The following PRLR variants were observed in gnomAD, a reference collection of about 807,000 sequenced individuals.
The protein encoded by PRLR is prolactin receptor.
PRLR carries 13 observed loss-of-function variants against 40.2 expected under a neutral mutation model. That is an observed-to-expected ratio of 0.32 (90% CI 0.21 to 0.51). PRLR has a LOEUF of 0.51. Among genes scored for constraint, PRLR ranks in the 20% least tolerant of loss-of-function variants. PRLR has a pLI of 0.97. For missense variants in PRLR, 656 were observed against 747.3 expected, an observed-to-expected ratio of 0.88 and a Z score of 1.42; for synonymous variants, 269 against 278.7, an observed-to-expected ratio of 0.97 and a Z score of 0.35.
chr5:35,079,969 A>G lies in PRLR; in HGVS notation c.373+4501T>C, dbSNP rs1770391305. Among the ~76,000 whole-genome samples, 5 of 152,244 alleles carry G rather than the reference A, an allele frequency of 3.3e-5. 1 individual carries two copies. In the South Asian group the frequency reaches 1.0e-3, roughly 32 times the overall value. ...TCCCTATTTAATAAATGGTGCTGGGAAAACTGGCTAGCCATATGTAGAAAG... is the reference window on the plus strand; with the variant it reads ...TCCCTATTTAATAAATGGTGCTGGGGAAACTGGCTAGCCATATGTAGAAAG... On this transcript the variant is annotated intron_variant, in intron 5 of 9. Transcript: ENST00000618457.
intron 1 of PRLR, among the ~76,000 whole-genome samples, chr5:35,145,251 G>A (rs1050038587): frequency 2.6e-5 from 4 of 152,028 alleles, no homozygotes; most frequent in Non-Finnish European, 5.9e-5. Flanking sequence ...TGGAGCATCC[G>A]GTTGTCCTGT....
chr5:35,172,268 C>A (rs1775020346), intron 1 of PRLR, among the ~76,000 whole-genome samples: 1 of 152,198 alleles, frequency 6.6e-6, no homozygotes, highest in Admixed American at 6.5e-5. Flanking sequence ...CTGTCTTCAC[C>A]CTTCCTGACC....
At chr5:35,124,714 A>G (rs1010881014) in intron 1 of PRLR, among the ~76,000 whole-genome samples, 4 of 152,062 alleles carry the variant, frequency 2.6e-5, no homozygotes, top group African/African-American at 2.4e-5. Context: ...ACAAATAACC[A>G]TGATGGCAGA....
At chr5:35,117,494 C>T (rs563745152) in intron 2 of PRLR, among the ~76,000 whole-genome samples, 27 of 152,212 alleles carry the variant, frequency 1.8e-4, no homozygotes, top group African/African-American at 5.8e-4. Context: ...AAAATGGAGT[C>T]GTAATACTTC....
intron 1 of PRLR, among the ~76,000 whole-genome samples, chr5:35,189,149 C>A (rs1372792298): frequency 6.6e-6 from 1 of 152,148 alleles, no homozygotes; most frequent in Non-Finnish European, 1.5e-5. Context: ...CTTCTGCAAG[C>A]CAAGTAACAC....
At chr5:35,218,575 T>G (rs761876812) in intron 1 of PRLR, among the ~76,000 whole-genome samples, 1 of 151,820 alleles carries the variant, frequency 6.6e-6, no homozygotes, top group Admixed American at 6.5e-5. Flanking sequence ...AAGGAAGGTC[T>G]GTTACTTTCA....
chr5:35,151,439 A>T, intron 1 of PRLR, among the ~76,000 whole-genome samples: 1 of 152,218 alleles, frequency 6.6e-6, no homozygotes, highest in Non-Finnish European at 1.5e-5. Context: ...TATATTTCAT[A>T]GATGAGCAAG....
intron 3 of PRLR, among the ~76,000 whole-genome samples, chr5:35,088,166 C>G (rs968406009): frequency 1.3e-5 from 2 of 152,166 alleles, no homozygotes; most frequent in South Asian, 2.1e-4. Flanking sequence ...GCCCAGGACA[C>G]CAGGCTAGTA....
intron 1 of PRLR, among the ~76,000 whole-genome samples, chr5:35,218,895 G>A (rs1776349714): frequency 6.6e-6 from 1 of 152,022 alleles, no homozygotes; most frequent in Non-Finnish European, 1.5e-5. Flanking sequence ...TCTTTGATAA[G>A]TGGCAGGTGG....
At chr5:35,169,576 CA>C (rs1774939130) in intron 1 of PRLR, among the ~76,000 whole-genome samples, 1 of 152,156 alleles carries the variant, frequency 6.6e-6, no homozygotes, top group South Asian at 2.1e-4. Flanking sequence ...ATGACTTCAA[CA>C]GTTTGTGTTG....
intron 2 of PRLR, among the ~76,000 whole-genome samples, chr5:35,101,736 A>G (rs1321931953): frequency 2.0e-5 from 3 of 148,606 alleles, no homozygotes; most frequent in African/African-American, 4.9e-5. Context: ...CATATATAAA[A>G]CATATATATA....
At chr5:35,097,633 G>A (rs73072995) in intron 2 of PRLR, among the ~76,000 whole-genome samples, 2,195 of 151,866 alleles carry the variant, frequency 0.014, 65 homozygotes, top group African/African-American at 0.051. Flanking sequence ...CCTTGGGGTC[G>A]TAGATTCTGA....
At chr5:35,070,838 T>A (rs1421388464) in intron 6 of PRLR, among the ~76,000 whole-genome samples, 1 of 99,906 alleles carries the variant, frequency 1.0e-5, no homozygotes, top group African/African-American at 5.3e-5. Flanking sequence ...CGAAACTCCG[T>A]CTCAAAAAAA....
downstream of PRLR, among the ~76,000 whole-genome samples, chr5:35,050,715 G>A (rs1022482732): frequency 6.6e-6 from 1 of 152,122 alleles, no homozygotes; most frequent in Non-Finnish European, 1.5e-5. Context: ...TCTGCCCCAG[G>A]CCTCTGTCAA....
chr5:35,068,399 C>A (rs1769515136), intron 8 of PRLR, 114 bp from the exon 9 acceptor site: 3 of 872,668 alleles, frequency 3.4e-6, no homozygotes, highest in Non-Finnish European at 3.8e-6. Flanking sequence ...CTTGGTTTGG[C>A]AGCTCCATGA....
chr5:35,178,495 T>C (rs1579769172), intron 1 of PRLR, among the ~76,000 whole-genome samples: 2 of 152,198 alleles, frequency 1.3e-5, no homozygotes, highest in African/African-American at 4.8e-5. Flanking sequence ...TATGTTCCTA[T>C]AGAAACATTA....
intron 1 of PRLR, among the ~76,000 whole-genome samples, chr5:35,134,336 T>C (rs915319197): frequency 1.3e-5 from 2 of 149,366 alleles, no homozygotes; most frequent in Non-Finnish European, 3.0e-5. Flanking sequence ...CCTTGGATTA[T>C]CACAGCAAGA....
chr5:35,144,191 CTTTT>C (rs748973489), intron 1 of PRLR, among the ~76,000 whole-genome samples: 2 of 148,468 alleles, frequency 1.3e-5, no homozygotes, highest in African/African-American at 2.5e-5. Flanking sequence ...TTTTATCTTT[CTTTT>C]GTTTCATGCT....
intron 1 of PRLR, among the ~76,000 whole-genome samples, chr5:35,179,426 C>T (rs530818985): frequency 5.9e-5 from 9 of 152,242 alleles, no homozygotes; most frequent in African/African-American, 1.4e-4. Flanking sequence ...ACAGGCCACG[C>T]GAATAAGGCA....
Sources: gnomAD v4.1 joint callset for allele counts (sites outside exome capture counted in the v4.1 genomes callset) on GRCh38, gnomAD v4.1.1 for gene constraint, MANE v1.5 for transcripts, NCBI Gene and HGNC (gene_info 2026-07-23, HGNC 2026-07-21) for gene names.